GPC5: variants seen among roughly 807,000 people sequenced by gnomAD.
GPC5 encodes glypican-5.
GPC5 carries 47 observed loss-of-function variants against 53.9 expected under a neutral mutation model. The observed-to-expected ratio is 0.87, with a 90% CI of 0.69 to 1.11. GPC5 has a LOEUF of 1.11. Ranked by LOEUF, GPC5 falls within the 50% of genes most tolerant of loss-of-function variation. The probability of loss-of-function intolerance (pLI) is 0.00; values close to 1 mark genes in which losing one functional copy is unlikely to be tolerated. For missense variants in GPC5, 748 were observed against 713.1 expected, an observed-to-expected ratio of 1.05 and a Z score of -0.56; for synonymous variants, 286 against 263.3, an observed-to-expected ratio of 1.09 and a Z score of -0.84.
At position 92,779,923 on chromosome 13, in the gene GPC5, CA is replaced by C. The variant is rs200801417; in HGVS notation, c.1562-86358del. Among the ~76,000 whole-genome samples the C allele has an allele frequency of 5.7e-3, 869 of 152,212 alleles. 1 individual carries two copies. The highest frequency in any genetic ancestry group is 0.024 in the Middle Eastern group (7 of 294). On this transcript the variant is annotated intron_variant, in intron 7 of 7. Transcript: ENST00000377067. The stretch of plus-strand genomic sequence containing the variant: ...GCAAATGGTAAGCTTAATTTCTTTA[CA>C]GAGGATAATCTATTTTGCCAAAGAT...
chr13:92,605,377 C>G (rs2139086914), intron 7 of GPC5, among the ~76,000 whole-genome samples: 1 of 152,234 alleles, frequency 6.6e-6, no homozygotes, highest in Non-Finnish European at 1.5e-5. Context: ...TGTTCCAGCC[C>G]TCATCCTGGA....
intron 7 of GPC5, among the ~76,000 whole-genome samples, chr13:92,741,954 T>C (rs1889109614): frequency 6.6e-6 from 1 of 152,140 alleles, no homozygotes; most frequent in Admixed American, 6.6e-5. Flanking sequence ...ATGGTGTATA[T>C]GTGCCACATT....
intron 6 of GPC5, among the ~76,000 whole-genome samples, chr13:92,126,401 TC>T (rs1475323403): frequency 6.6e-6 from 1 of 152,232 alleles, no homozygotes; most frequent in Admixed American, 6.5e-5. Flanking sequence ...TAAATAGATG[TC>T]TTGCACATAG....
intron 5 of GPC5, among the ~76,000 whole-genome samples, chr13:91,883,930 C>T (rs2138955289): frequency 6.6e-6 from 1 of 152,078 alleles, no homozygotes; most frequent in African/African-American, 2.4e-5. Flanking sequence ...CTGATCCTCT[C>T]CCTCCTCCCA....
intron 7 of GPC5, among the ~76,000 whole-genome samples, chr13:92,584,294 C>T (rs150251928): frequency 0.013 from 1,976 of 152,128 alleles, 43 homozygotes; most frequent in African/African-American, 0.044. Context: ...CAATAAGGTC[C>T]GGGCTGATGT....
chr13:91,962,735 A>G (rs2040137539), intron 6 of GPC5, among the ~76,000 whole-genome samples: 1 of 152,130 alleles, frequency 6.6e-6, no homozygotes, highest in Non-Finnish European at 1.5e-5. Context: ...TTTGCATCAC[A>G]GTGGGAGTTC....
chr13:91,402,888 T>G (rs1393741200), intron 1 of GPC5, among the ~76,000 whole-genome samples: 1 of 152,236 alleles, frequency 6.6e-6, no homozygotes, highest in Non-Finnish European at 1.5e-5. Context: ...GGTGAATATT[T>G]TGTTTATTTT....
intron 4 of GPC5, among the ~76,000 whole-genome samples, chr13:91,743,184 A>T (rs975445948): frequency 6.6e-6 from 1 of 152,212 alleles, no homozygotes; most frequent in South Asian, 2.1e-4. Context: ...TTTCCTTTGG[A>T]AAGTCAGTAA....
chr13:91,553,483 A>G (rs1267712173), intron 2 of GPC5, among the ~76,000 whole-genome samples: 7 of 152,084 alleles, frequency 4.6e-5, no homozygotes, highest in Non-Finnish European at 1.0e-4. Context: ...AGGAATAAAA[A>G]TGAGTTTTCT....
At chr13:92,703,454 T>G (rs1468182777) in intron 7 of GPC5, among the ~76,000 whole-genome samples, 1 of 151,690 alleles carries the variant, frequency 6.6e-6, no homozygotes, top group Admixed American at 6.6e-5. Context: ...ATATTATATC[T>G]GCCTTTTGAA....
chr13:92,194,327 G>A (rs1035668026), intron 7 of GPC5, among the ~76,000 whole-genome samples: 1 of 152,186 alleles, frequency 6.6e-6, no homozygotes, highest in African/African-American at 2.4e-5. Flanking sequence ...ACAATGTTCA[G>A]AAGGTGTGTG....
At chr13:92,560,646 A>G (rs1882662591) in intron 7 of GPC5, among the ~76,000 whole-genome samples, 1 of 151,988 alleles carries the variant, frequency 6.6e-6, no homozygotes, top group African/African-American at 2.4e-5. Context: ...CAAAAGGTGG[A>G]AAGGTCCCAG....
At chr13:92,755,058 A>C (rs1297894799) in intron 7 of GPC5, among the ~76,000 whole-genome samples, 5 of 152,054 alleles carry the variant, frequency 3.3e-5, no homozygotes, top group Admixed American at 2.0e-4. Context: ...ACCTATTCCA[A>C]AACTGACCAC....
chr13:91,842,076 C>T (rs1459962663), intron 5 of GPC5, among the ~76,000 whole-genome samples: 1 of 151,974 alleles, frequency 6.6e-6, no homozygotes, highest in Non-Finnish European at 1.5e-5. Flanking sequence ...GGTTTTTGTC[C>T]ATGCCATGCA....
At chr13:91,516,948 G>T (rs962564864) in intron 2 of GPC5, among the ~76,000 whole-genome samples, 4 of 152,098 alleles carry the variant, frequency 2.6e-5, no homozygotes, top group Admixed American at 6.5e-5. Flanking sequence ...GCCACAACTG[G>T]AGCAGCTAGG....
chr13:92,410,203 G>A (rs1205821297), intron 7 of GPC5, among the ~76,000 whole-genome samples: 1 of 152,176 alleles, frequency 6.6e-6, no homozygotes, highest in Non-Finnish European at 1.5e-5. Flanking sequence ...GTATTGTGTA[G>A]TTGACCTGAA....
chr13:92,275,055 G>A (rs1195449127), intron 7 of GPC5, among the ~76,000 whole-genome samples: 1 of 151,948 alleles, frequency 6.6e-6, no homozygotes, highest in Non-Finnish European at 1.5e-5. Context: ...TAAGATAATA[G>A]ATGAATTTGC....
At chr13:92,026,857 C>A (rs1400240227) in intron 6 of GPC5, among the ~76,000 whole-genome samples, 1 of 152,104 alleles carries the variant, frequency 6.6e-6, no homozygotes, top group Non-Finnish European at 1.5e-5. Flanking sequence ...CAACATGTTT[C>A]AAAACTATGA....
chr13:92,405,470 G>A (rs1188157677), intron 7 of GPC5, among the ~76,000 whole-genome samples: 5 of 152,140 alleles, frequency 3.3e-5, no homozygotes, highest in African/African-American at 1.2e-4. Flanking sequence ...AGGACTTGCT[G>A]TATATTTAAG....
Sources: allele counts gnomAD v4.1 joint callset (sites outside exome capture counted in the v4.1 genomes callset), GRCh38; gene constraint gnomAD v4.1.1; transcripts MANE v1.5; gene names NCBI Gene and HGNC (gene_info 2026-07-23, HGNC 2026-07-21).